The following NRDC variants were observed in gnomAD, a reference collection of about 807,000 sequenced individuals.
NRDC encodes the protein nardilysin convertase, also known as nardilysin.
Under a neutral mutation model 147.1 loss-of-function variants are expected in NRDC, and 54 were observed. That is an observed-to-expected ratio of 0.37 (90% CI 0.29 to 0.46). The LOEUF is 0.46. Among genes scored for constraint, NRDC ranks in the 20% least tolerant of loss-of-function variants. The pLI is 1.00. For synonymous variants in NRDC, 440 were observed against 482.1 expected (o/e 0.91, Z 1.14); for missense variants, 1,082 against 1,370.6 (o/e 0.79, Z 3.33).
chr1:51,837,755 G>A, intron 2 of NRDC: 1 of 631,156 alleles, frequency 1.6e-6, no homozygotes, highest in Non-Finnish European at 2.3e-6. Context: ...TTTCAACCTT[G>A]TTAATTTATC....
chr1:51,864,123 C>T (rs1682686106), intron 1 of NRDC, among the ~76,000 whole-genome samples: 1 of 152,160 alleles, frequency 6.6e-6, no homozygotes, highest in Non-Finnish European at 1.5e-5. Context: ...TCGGTTTCTA[C>T]TGAATGCATA....
chr1:51,846,659 G>A (rs35549138), intron 1 of NRDC, among the ~76,000 whole-genome samples: 6,877 of 152,294 alleles, frequency 0.045, 192 homozygotes, highest in Middle Eastern at 0.065. Flanking sequence ...GAGTGTTATA[G>A]CTCATAAAGG....
intron 6 of NRDC, 150 bp from the exon 7 acceptor site, chr1:51,823,936 A>G (rs1365917311): frequency 2.0e-6 from 1 of 495,042 alleles, no homozygotes; most frequent in East Asian, 3.1e-5. Context: ...ATAATGTATT[A>G]ATATTAATAA....
chr1:51,801,696 T>C (rs1283606480), intron 20 of NRDC, among the ~76,000 whole-genome samples: 1 of 152,184 alleles, frequency 6.6e-6, no homozygotes, highest in Non-Finnish European at 1.5e-5. Context: ...ATAATAGAGA[T>C]GATTGTGGAT....
chr1:51,838,353 T>C (rs1489184977), intron 2 of NRDC, among the ~76,000 whole-genome samples: 1 of 152,206 alleles, frequency 6.6e-6, no homozygotes, highest in Non-Finnish European at 1.5e-5. Context: ...ACAGACATGT[T>C]CATTTGTCAA....
At chr1:51,839,365 C>T (rs1431852602) in intron 2 of NRDC, among the ~76,000 whole-genome samples, 2 of 151,934 alleles carry the variant, frequency 1.3e-5, no homozygotes, top group Non-Finnish European at 2.9e-5. Context: ...GGTTTCACCA[C>T]ATTACCTAGG....
chr1:51,824,371 G>A (rs978093169), intron 6 of NRDC, among the ~76,000 whole-genome samples: 8 of 151,892 alleles, frequency 5.3e-5, no homozygotes, highest in African/African-American at 7.3e-5. Flanking sequence ...TGATCCACCC[G>A]CCTCGGCCTC....
Position 51,800,583 on chromosome 1 carries a change from A to C in NRDC, c.2414T>G (p.Ile805Ser), listed in dbSNP as rs1437313848. 1 of 1,613,894 alleles carries C rather than the reference A, an allele frequency of 6.2e-7. No individual in the cohort carries two copies. The highest frequency in any genetic ancestry group is 1.3e-5 in the African/African-American group (1 of 74,918). Residue 805 changes from isoleucine to serine, a missense_variant, in exon 21 of 31, where the codon ATC (isoleucine) becomes AGC (serine). This residue lies in a region of NRDC where 635 missense variants were observed against 923.8 expected (regional missense o/e 0.69). Coordinates refer to ENST00000352171, the MANE Select transcript of NRDC (RefSeq NM_001101662.2). Reference protein sequence around the residue: ...TEQLKKTYFNILIKPETLAKD... With the variant: ...TEQLKKTYFNSLIKPETLAKD... ...GGCCAAAGTCTCGGGCTTGATGAGG[A>C]TGTTAAAGTAGGTCTTCTTCAACTG...
chr1:51,794,361 T>C (rs1271168873), intron 24 of NRDC, 111 bp downstream of exon 24: 7 of 1,062,790 alleles, frequency 6.6e-6, no homozygotes, highest in African/African-American at 6.3e-5. Flanking sequence ...AGAGGACAAA[T>C]GGCCCCAAGC....
intron 19 of NRDC, among the ~76,000 whole-genome samples, chr1:51,804,787 C>A (rs1409859717): frequency 6.6e-6 from 1 of 152,044 alleles, no homozygotes; most frequent in African/African-American, 2.4e-5. Flanking sequence ...TCCCAAGTAT[C>A]TGCTACATTC....
rs753310510 is a variant in NRDC at position 51,790,936 on chromosome 1, CTT to C, written c.3013_3014del (p.Lys1005AspfsTer2). 1 of 1,613,948 alleles carries C rather than the reference CTT, an allele frequency of 6.2e-7. No homozygotes were observed. The highest frequency in any genetic ancestry group is 1.1e-5 in the South Asian group (1 of 91,054). On this transcript the variant is annotated frameshift_variant, in exon 28 of 31. Coordinates refer to ENST00000352171, the MANE Select transcript of NRDC (RefSeq NM_001101662.2). LOFTEE classifies it high-confidence loss of function. ...ATGCCTCTTCAGTGAGGTTCTCAAT[CTT>C]CTCCTCAAAGCTAGAAAGAAACTCT... ...IEEFLSSFEE[K>X]IENLTEEAFN...
intron 1 of NRDC, among the ~76,000 whole-genome samples, chr1:51,848,731 T>A (rs61783367): frequency 0.02 from 3,094 of 152,252 alleles, 65 homozygotes; most frequent in Middle Eastern, 0.093. Context: ...AATGCATAAA[T>A]ATACCTAATA....
chr1:51,846,767 T>G (rs745545235), intron 1 of NRDC, among the ~76,000 whole-genome samples: 17 of 152,244 alleles, frequency 1.1e-4, no homozygotes, highest in African/African-American at 4.1e-4. Context: ...TGCAGCCTGC[T>G]TTTATTCTTA....
At chr1:51,807,466 G>C (rs1679520193) in intron 17 of NRDC, among the ~76,000 whole-genome samples, 1 of 152,178 alleles carries the variant, frequency 6.6e-6, no homozygotes, top group Non-Finnish European at 1.5e-5. Flanking sequence ...CAACACTTTA[G>C]AAGGCTGAAG....
intron 5 of NRDC, 100 bp from the exon 6 acceptor site, chr1:51,825,482 AT>A: frequency 1.1e-6 from 1 of 886,356 alleles, no homozygotes; most frequent in Non-Finnish European, 1.8e-6. Flanking sequence ...AATTAACAAA[AT>A]TAACTTCATG....
At chr1:51,877,582 C>G (rs189593499) in intron 1 of NRDC, among the ~76,000 whole-genome samples, 5 of 152,132 alleles carry the variant, frequency 3.3e-5, no homozygotes, top group Non-Finnish European at 7.3e-5. Context: ...AAGGAAAATA[C>G]TCAGGTGGGG....
At chr1:51,848,246 C>T (rs1442799731) in intron 1 of NRDC, among the ~76,000 whole-genome samples, 7 of 152,256 alleles carry the variant, frequency 4.6e-5, no homozygotes, top group South Asian at 2.1e-4. Context: ...GAGGCCAAGG[C>T]GGGCGGATCA....
chr1:51,865,739 G>C (rs1682772125), intron 1 of NRDC, among the ~76,000 whole-genome samples: 1 of 152,134 alleles, frequency 6.6e-6, no homozygotes, highest in South Asian at 2.1e-4. Context: ...ATTTTCCACA[G>C]ATAGTAATTT....
At chr1:51,819,275 G>A (rs1360582998) in intron 9 of NRDC, among the ~76,000 whole-genome samples, 6 of 150,612 alleles carry the variant, frequency 4.0e-5, no homozygotes, top group Non-Finnish European at 8.8e-5. Flanking sequence ...TCCAGCCTGG[G>A]CAACAGAGCG....
Sources: gnomAD v4.1 joint callset for allele counts (sites outside exome capture counted in the v4.1 genomes callset) on GRCh38, gnomAD v4.1.1 for gene constraint, gnomAD v4.1.1 regional missense constraint, MANE v1.5 for transcripts, NCBI Gene and HGNC (gene_info 2026-07-23, HGNC 2026-07-21) for gene names.